The following GC variants were observed in gnomAD, a reference collection of about 807,000 sequenced individuals.
The protein encoded by GC is vitamin D-binding protein.
GC carries 43 observed loss-of-function variants against 56.7 expected under a neutral mutation model. The observed-to-expected ratio is 0.76, with a 90% CI of 0.59 to 0.98. The LOEUF is 0.98. Among genes scored for constraint, GC ranks in the 50% least tolerant of loss-of-function variants. The pLI, the probability that GC is intolerant of heterozygous loss-of-function variation, is 0.00. For missense variants in GC, 529 were observed against 545.9 expected (o/e 0.97, Z 0.31); for synonymous variants, 216 against 202.7 (o/e 1.07, Z -0.56).
At chr4:71,756,959 G>T in intron 7 of GC, 45 bp from the exon 8 acceptor site, 1 of 1,296,590 alleles carries the variant, frequency 7.7e-7, no homozygotes, top group Non-Finnish European at 1.1e-6. Context: ...TTTCCTGATA[G>T]TCTAATTAAA....
intron 8 of GC, among the ~76,000 whole-genome samples, chr4:71,755,538 TTAGCTCAGAC>T (rs1741740930): frequency 6.6e-6 from 1 of 152,136 alleles, no homozygotes; most frequent in Admixed American, 6.6e-5. Flanking sequence ...AAGAAGAGAT[TTAGCTCAGAC>T]TGACTCTAAA....
At chr4:71,764,797 G>A (rs533766533) in intron 4 of GC, among the ~76,000 whole-genome samples, 1 of 152,034 alleles carries the variant, frequency 6.6e-6, no homozygotes, top group Middle Eastern at 3.4e-3. Context: ...CATTGCTCCT[G>A]GTTTTTGAAT....
chr4:71,795,992 T>C (rs894315653), intron 1 of GC, among the ~76,000 whole-genome samples: 1 of 152,236 alleles, frequency 6.6e-6, no homozygotes, highest in Non-Finnish European at 1.5e-5. Flanking sequence ...GCCCCCACTC[T>C]TTTCTGGCTT....
intron 7 of GC, among the ~76,000 whole-genome samples, chr4:71,757,337 G>A (rs938436286): frequency 2.0e-5 from 3 of 152,036 alleles, no homozygotes; most frequent in African/African-American, 7.2e-5. Context: ...TTATAGAAAA[G>A]CATCTATTAA....
intron 1 of GC, among the ~76,000 whole-genome samples, chr4:71,801,597 A>AACAGGG (rs1743254558): frequency 6.6e-6 from 1 of 152,172 alleles, no homozygotes; most frequent in Non-Finnish European, 1.5e-5. Context: ...AACACATGAA[A>AACAGGG]ACAGGGACCT....
intron 5 of GC, 119 bp downstream of exon 5, chr4:71,763,685 G>A: frequency 3.5e-6 from 3 of 856,888 alleles, no homozygotes; most frequent in Non-Finnish European, 5.5e-6. Context: ...TTAAGAAGAT[G>A]CAAGGGTGGC....
chr4:71,761,867 A>G (rs893214753), intron 6 of GC, among the ~76,000 whole-genome samples: 7 of 152,338 alleles, frequency 4.6e-5, no homozygotes, highest in African/African-American at 1.7e-4. Flanking sequence ...CAGAGGATGT[A>G]TGGAAACACT....
chr4:71,759,158 A>G (rs1184286099), intron 6 of GC, among the ~76,000 whole-genome samples: 1 of 152,060 alleles, frequency 6.6e-6, no homozygotes, highest in Non-Finnish European at 1.5e-5. Flanking sequence ...TTGTATGTAT[A>G]TACCACATTG....
At chr4:71,784,362 T>C (rs76151573), upstream of GC, 1,061 of 1,004,078 alleles carry the variant, frequency 1.1e-3, no homozygotes, top group Non-Finnish European at 1.0e-3. Context: ...TTACTTAATA[T>C]GTTAGTAACG....
intron 1 of GC, among the ~76,000 whole-genome samples, chr4:71,794,445 G>T (rs966649173): frequency 4.6e-5 from 7 of 152,172 alleles, no homozygotes; most frequent in Non-Finnish European, 1.0e-4. Context: ...TATTTGCATA[G>T]AGGTGTTTAT....
Position 71,766,148 on chromosome 4 carries a change from T to C in GC, c.262-505A>G, listed in dbSNP as rs1424827270. Reference sequence around the variant, plus strand: ...CTCTTGATTGCTGGTTCCTTTAACTTTCTACATTATTTGCATTCTCTTACC... The same window carrying C: ...CTCTTGATTGCTGGTTCCTTTAACTCTCTACATTATTTGCATTCTCTTACC... On this transcript the variant is annotated intron_variant, in intron 3 of 12. Transcript: ENST00000273951. Among the ~76,000 whole-genome samples the C allele has an allele frequency of 3.3e-5, 5 of 152,202 alleles. No individual in the cohort carries two copies. The East Asian group carries it at 9.6e-4, about 29-fold the overall frequency.
At chr4:71,786,768 A>G (rs1425514606), upstream of GC, among the ~76,000 whole-genome samples, 1 of 151,874 alleles carries the variant, frequency 6.6e-6, no homozygotes, top group Non-Finnish European at 1.5e-5. Context: ...TTATCAGAAC[A>G]GTACCTTCCT....
intron 11 of GC, among the ~76,000 whole-genome samples, chr4:71,749,255 C>G (rs556819603): frequency 6.6e-6 from 1 of 152,094 alleles, no homozygotes; most frequent in Non-Finnish European, 1.5e-5. Context: ...AATTTACTGT[C>G]GATAAAGCAA....
intron 12 of GC, among the ~76,000 whole-genome samples, 178 bp downstream of exon 12, chr4:71,745,973 G>T (rs842999): frequency 0.027 from 4,016 of 151,454 alleles, 80 homozygotes; most frequent in Non-Finnish European, 0.039. Flanking sequence ...TCAGAAATTG[G>T]CTGCTCTTGT....
At chr4:71,743,153 GAA>G (rs1016239369) in intron 12 of GC, among the ~76,000 whole-genome samples, 2 of 152,164 alleles carry the variant, frequency 1.3e-5, no homozygotes, top group Non-Finnish European at 2.9e-5. Context: ...GAAATAGCGT[GAA>G]ACTGTTGACT....
rs955083627 is a variant in GC at position 71,796,013 on chromosome 4, T to C, written c.21+7913A>G. 1.1e-4 allele frequency among the ~76,000 whole-genome samples: 17 copies of C among 152,382 alleles called. No homozygotes were observed. In the East Asian group the frequency reaches 3.1e-3, roughly 28 times the overall value. ...ACTCTTTTCTGGCTTGTAGAGTTTCTGCTGAGAGATCCGCTGTTAGTGTGA... is the reference window on the plus strand; with the variant it reads ...ACTCTTTTCTGGCTTGTAGAGTTTCCGCTGAGAGATCCGCTGTTAGTGTGA... On this transcript the variant is annotated intron_variant, in intron 1 of 13. Coordinates refer to the GC transcript ENST00000504199.
Position 71,768,106 on chromosome 4 carries a change from C to A in GC, c.261+195G>T, listed in dbSNP as rs1488710782. ...CTATGACCCAGTTTTCTCATTTGAA[C>A]CTTGTAGGAATAATGGGTAATATTG... On this transcript the variant is annotated intron_variant, in intron 3 of 12. Transcript: ENST00000273951. 2.6e-5 allele frequency among the ~76,000 whole-genome samples: 4 copies of A among 152,168 alleles called. No individual in the cohort carries two copies. The East Asian group carries it at 5.8e-4, about 22-fold the overall frequency.
At chr4:71,787,850 T>C (rs575350955), upstream of GC, among the ~76,000 whole-genome samples, 164 of 151,956 alleles carry the variant, frequency 1.1e-3, 1 homozygote, top group African/African-American at 3.8e-3. Flanking sequence ...TTAATGCCAA[T>C]ATCCAAAATA....
chr4:71,804,254 T>C (rs945422986), upstream of GC, among the ~76,000 whole-genome samples: 8 of 152,158 alleles, frequency 5.3e-5, no homozygotes, highest in African/African-American at 1.9e-4. Flanking sequence ...CCAGCTGTAA[T>C]CAAATGTGTG....
Sources: allele counts gnomAD v4.1 joint callset (sites outside exome capture counted in the v4.1 genomes callset), GRCh38; gene constraint gnomAD v4.1.1; transcripts MANE v1.5; gene names NCBI Gene and HGNC (gene_info 2026-07-23, HGNC 2026-07-21).